The following FAM227B variants were observed in gnomAD, a reference collection of about 807,000 sequenced individuals.
The protein encoded by FAM227B is protein FAM227B.
FAM227B carries 88 observed loss-of-function variants against 73.8 expected under a neutral mutation model. The ratio of observed to expected loss-of-function variants is 1.19; its 90% confidence interval spans 1.00 to 1.42. The LOEUF is 1.42. Among genes scored for constraint, FAM227B ranks in the 40% most tolerant of loss-of-function variants. The probability of loss-of-function intolerance (pLI) is 0.00; values close to 1 mark genes in which losing one functional copy is unlikely to be tolerated. For synonymous variants in FAM227B, 210 were observed against 190.5 expected (o/e 1.10, Z -0.84); for missense variants, 632 against 590.9 (o/e 1.07, Z -0.72).
At chr15:49,404,202 T>C (rs1322291958) in intron 11 of FAM227B, among the ~76,000 whole-genome samples, 1 of 152,104 alleles carries the variant, frequency 6.6e-6, no homozygotes, top group Non-Finnish European at 1.5e-5. Context: ...TTTTAGAGTA[T>C]ATACCATGTG....
At chr15:49,531,187 T>A (rs2060581649) in intron 10 of FAM227B, among the ~76,000 whole-genome samples, 1 of 151,902 alleles carries the variant, frequency 6.6e-6, no homozygotes, top group Non-Finnish European at 1.5e-5. Flanking sequence ...AAATTGCAAC[T>A]ACATGCTGGA....
intron 13 of FAM227B, among the ~76,000 whole-genome samples, chr15:49,336,236 T>C (rs1292891466): frequency 6.6e-6 from 1 of 152,226 alleles, no homozygotes; most frequent in Non-Finnish European, 1.5e-5. Context: ...AAGGTGGTAA[T>C]CAGAATGTCC....
At chr15:49,467,034 A>T (rs1436966410) in intron 11 of FAM227B, among the ~76,000 whole-genome samples, 1 of 152,182 alleles carries the variant, frequency 6.6e-6, no homozygotes, top group Non-Finnish European at 1.5e-5. Context: ...AAATGTTTAG[A>T]ATTATCTTAT....
In FAM227B at chr15:49,611,230, TA is replaced by T; in HGVS notation, c.89del (p.Leu30Ter). 1 of 1,590,772 alleles carries T rather than the reference TA, an allele frequency of 6.3e-7. No individual in the cohort carries two copies. The highest frequency in any genetic ancestry group is 1.3e-5 in the African/African-American group (1 of 74,620). ...CTTTACTCACCCAATTTTGAAACTTTAAGAATTCTTCAATGCTCTTTGGAGG... is the reference window on the plus strand; with the variant it reads ...CTTTACTCACCCAATTTTGAAACTTTAGAATTCTTCAATGCTCTTTGGAGG... ...QEPPKSIEEF[L>X]KFQNWDYWPR... is the part of the protein sequence containing the mutation. On this transcript the variant is annotated frameshift_variant, in exon 3 of 16. Coordinates refer to ENST00000299338, the MANE Select transcript of FAM227B (RefSeq NM_152647.3). LOFTEE classifies it high-confidence loss of function.
chr15:49,416,963 C>A (rs1156675409), intron 11 of FAM227B, among the ~76,000 whole-genome samples: 2 of 152,090 alleles, frequency 1.3e-5, no homozygotes, highest in Non-Finnish European at 2.9e-5. Context: ...GGCCACACTG[C>A]CTAAAGCAAT....
intron 10 of FAM227B, among the ~76,000 whole-genome samples, chr15:49,539,227 A>AC (rs1445633018): frequency 9.2e-5 from 14 of 152,300 alleles, no homozygotes; most frequent in African/African-American, 3.4e-4. Context: ...AAATTGCAGC[A>AC]TCCTCAGTCG....
chr15:49,352,895 A>G (rs543232443), intron 13 of FAM227B, among the ~76,000 whole-genome samples: 2 of 152,322 alleles, frequency 1.3e-5, no homozygotes, highest in South Asian at 4.1e-4. Flanking sequence ...GTTTTGAGAC[A>G]TTCCTAAAGC....
intron 13 of FAM227B, among the ~76,000 whole-genome samples, chr15:49,338,594 A>T (rs2040178119): frequency 6.6e-6 from 1 of 152,044 alleles, no homozygotes; most frequent in African/African-American, 2.4e-5. Context: ...GAATCTGACA[A>T]TTATGTGTCT....
chr15:49,549,058 G>C (rs1200872664), intron 9 of FAM227B, among the ~76,000 whole-genome samples: 1 of 151,672 alleles, frequency 6.6e-6, no homozygotes, highest in African/African-American at 2.4e-5. Context: ...GGTTTGGTTT[G>C]CTCTTGCTTT....
intron 11 of FAM227B, among the ~76,000 whole-genome samples, chr15:49,445,574 A>G (rs1052427858): frequency 6.6e-6 from 1 of 151,558 alleles, no homozygotes; most frequent in African/African-American, 2.4e-5. Context: ...TAGATCACGG[A>G]CATACTAATT....
At chr15:49,565,080 C>A (rs1156557157) in intron 9 of FAM227B, among the ~76,000 whole-genome samples, 1 of 151,950 alleles carries the variant, frequency 6.6e-6, no homozygotes, top group East Asian at 1.9e-4. Flanking sequence ...AGTACTATTT[C>A]AATATTAAAA....
intron 3 of FAM227B, among the ~76,000 whole-genome samples, chr15:49,594,245 A>T (rs1223500930): frequency 2.0e-5 from 3 of 151,998 alleles, no homozygotes; most frequent in African/African-American, 7.3e-5. Flanking sequence ...TTGTCTATTC[A>T]TATCCTTAGC....
chr15:49,550,994 T>C (rs2072907826), intron 9 of FAM227B, among the ~76,000 whole-genome samples: 1 of 152,170 alleles, frequency 6.6e-6, no homozygotes, highest in Non-Finnish European at 1.5e-5. Context: ...TGGGCACCAT[T>C]GAGCACTGAG....
chr15:49,479,597 CTGT>C (rs869112433), intron 11 of FAM227B, among the ~76,000 whole-genome samples: 1 of 102,078 alleles, frequency 9.8e-6, no homozygotes, highest in Non-Finnish European at 1.8e-5. Context: ...GTTAATACCT[CTGT>C]TTTTTTTTTT....
intron 3 of FAM227B, among the ~76,000 whole-genome samples, chr15:49,594,826 G>A (rs1156782927): frequency 6.6e-6 from 1 of 152,144 alleles, no homozygotes; most frequent in Non-Finnish European, 1.5e-5. Context: ...GGTGACTACA[G>A]CCTTATAGTG....
chr15:49,611,941 C>G (rs1362593479), intron 2 of FAM227B, among the ~76,000 whole-genome samples: 3 of 151,918 alleles, frequency 2.0e-5, no homozygotes, highest in Non-Finnish European at 4.4e-5. Flanking sequence ...GTCCATCAAG[C>G]CTTTCTTATC....
chr15:49,436,899 C>T (rs1189228991), intron 11 of FAM227B, among the ~76,000 whole-genome samples: 1 of 151,474 alleles, frequency 6.6e-6, no homozygotes, highest in Non-Finnish European at 1.5e-5. Context: ...TGTAATATGA[C>T]CTAATGAATA....
chr15:49,385,511 T>C (rs981358637), intron 11 of FAM227B, among the ~76,000 whole-genome samples: 2 of 151,216 alleles, frequency 1.3e-5, no homozygotes, highest in African/African-American at 4.9e-5. Context: ...AAAGGGGTTC[T>C]AAGCCTTAAA....
At position 49,439,238 on chromosome 15, in the gene FAM227B, G is replaced by T. The variant is rs2051394383; in HGVS notation, c.1013-67839C>A. On this transcript the variant is annotated intron_variant, in intron 11 of 15. Transcript: ENST00000299338. ...GGCTTCCTGAGTGTCCTTATAACAT[G>T]GCAACTGGCCTCCTTCAGACTGAGC... 3.3e-5 allele frequency among the ~76,000 whole-genome samples: 5 copies of T among 151,312 alleles called. No homozygotes were observed. In the South Asian group the frequency reaches 8.4e-4, roughly 25 times the overall value.
Sources: gnomAD v4.1 joint callset for allele counts (sites outside exome capture counted in the v4.1 genomes callset) on GRCh38, gnomAD v4.1.1 for gene constraint, MANE v1.5 for transcripts, NCBI Gene and HGNC (gene_info 2026-07-23, HGNC 2026-07-21) for gene names.